The following CADM2 variants were observed in gnomAD, a reference collection of about 807,000 sequenced individuals.
CADM2 encodes cell adhesion molecule 2.
In CADM2, 12 loss-of-function variants were observed where a neutral mutation model predicts 49.8. That is an observed-to-expected ratio of 0.24 (90% confidence interval 0.15 to 0.39). CADM2 has a LOEUF of 0.39. Among genes scored for constraint, CADM2 ranks in the 10% least tolerant of loss-of-function variants. The pLI, the probability that CADM2 is intolerant of heterozygous loss-of-function variation, is 1.00. For missense variants in CADM2, 378 were observed against 492.3 expected, an observed-to-expected ratio of 0.77 and a Z score of 2.20; for synonymous variants, 214 against 175.4, an observed-to-expected ratio of 1.22 and a Z score of -1.74.
At chr3:85,046,326 T>G (rs1029905544) in intron 1 of CADM2, among the ~76,000 whole-genome samples, 1 of 150,800 alleles carries the variant, frequency 6.6e-6, no homozygotes, top group Non-Finnish European at 1.5e-5. Context: ...TTTTCTTTTT[T>G]TTTTTTTTTT....
At chr3:85,364,990 T>A (rs1239683146) in intron 1 of CADM2, among the ~76,000 whole-genome samples, 3 of 152,202 alleles carry the variant, frequency 2.0e-5, no homozygotes, top group African/African-American at 4.8e-5. Flanking sequence ...CACATCCTAA[T>A]GCAAACATGG....
rs570512230 is a variant in CADM2 at position 85,705,700 on chromosome 3, A to G, written c.62-20822A>G. Among the ~76,000 whole-genome samples, 135 of 152,316 alleles carry G rather than the reference A, an allele frequency of 8.9e-4. No individual in the cohort carries two copies. The Middle Eastern group carries it at 0.014, about 15-fold the overall frequency. On this transcript the variant is annotated intron_variant, in intron 1 of 9. Transcript: ENST00000383699. ...GACATTTAACTAGAATTTGTTCTACATAACCTTCTGCCATTTTTGAGTTTA... is the reference window on the plus strand; with the variant it reads ...GACATTTAACTAGAATTTGTTCTACGTAACCTTCTGCCATTTTTGAGTTTA...
chr3:85,753,026 C>T (rs1191040330), intron 2 of CADM2, among the ~76,000 whole-genome samples: 1 of 152,032 alleles, frequency 6.6e-6, no homozygotes. Context: ...ATATTTTTGT[C>T]ATGCAGCTGC....
At chr3:85,495,902 T>G (rs1353798893) in intron 1 of CADM2, among the ~76,000 whole-genome samples, 2 of 152,136 alleles carry the variant, frequency 1.3e-5, no homozygotes, top group Non-Finnish European at 2.9e-5. Context: ...CGTTAGGAAT[T>G]ACATTTCCAC....
intron 1 of CADM2, among the ~76,000 whole-genome samples, chr3:85,212,812 C>CTCTTTCTTTCTTTCCTTCTTTCTT (rs1559723534): frequency 9.8e-6 from 1 of 102,542 alleles, no homozygotes; most frequent in Non-Finnish European, 2.0e-5. Context: ...TCTTTTTCTT[C>CTCTTTCTTTCTTTCCTTCTTTCTT]TCTTTCTTTC....
At chr3:85,465,069 A>C (rs1213935444) in intron 1 of CADM2, among the ~76,000 whole-genome samples, 1 of 152,190 alleles carries the variant, frequency 6.6e-6, no homozygotes, top group East Asian at 1.9e-4. Context: ...GAATTGCTGG[A>C]ACCCAGGAGG....
chr3:85,878,756 A>G (rs375129974), intron 3 of CADM2, among the ~76,000 whole-genome samples: 14 of 152,124 alleles, frequency 9.2e-5, no homozygotes, highest in East Asian at 3.8e-4. Flanking sequence ...GTAGTGAGCA[A>G]TTCAGTTTAA....
intron 1 of CADM2, among the ~76,000 whole-genome samples, chr3:85,522,256 C>T (rs1404972834): frequency 6.6e-6 from 1 of 152,062 alleles, no homozygotes; most frequent in Non-Finnish European, 1.5e-5. Context: ...ATTAATAATA[C>T]ATTAATGATT....
intron 1 of CADM2, among the ~76,000 whole-genome samples, chr3:85,703,095 A>C (rs977181193): frequency 1.4e-4 from 21 of 152,184 alleles, no homozygotes; most frequent in African/African-American, 5.1e-4. Context: ...TATATAAATT[A>C]TATGTATGTT....
At chr3:85,533,882 G>T in intron 1 of CADM2, among the ~76,000 whole-genome samples, 1 of 152,030 alleles carries the variant, frequency 6.6e-6, no homozygotes, top group East Asian at 1.9e-4. Context: ...TTAAATTCTA[G>T]GGAAAGAGCA....
At chr3:85,388,291 A>G (rs972745342) in intron 1 of CADM2, among the ~76,000 whole-genome samples, 3 of 152,162 alleles carry the variant, frequency 2.0e-5, no homozygotes, top group African/African-American at 7.2e-5. Flanking sequence ...GAAAGAAGAA[A>G]AGAAATCATA....
intron 1 of CADM2, among the ~76,000 whole-genome samples, chr3:85,697,802 T>A (rs2066617691): frequency 6.6e-6 from 1 of 152,230 alleles, no homozygotes; most frequent in Non-Finnish European, 1.5e-5. Flanking sequence ...TTTATGTACA[T>A]GTATATTATT....
chr3:85,705,664 C>G (rs2066921058), intron 1 of CADM2, among the ~76,000 whole-genome samples: 1 of 152,200 alleles, frequency 6.6e-6, no homozygotes, highest in African/African-American at 2.4e-5. Context: ...TTCCTGAACT[C>G]CACATGCTGG....
At chr3:85,829,414 T>G (rs2074079460) in intron 3 of CADM2, among the ~76,000 whole-genome samples, 1 of 151,940 alleles carries the variant, frequency 6.6e-6, no homozygotes, top group Non-Finnish European at 1.5e-5. Context: ...ACCTCAAACA[T>G]TTATCATTTC....
intron 1 of CADM2, among the ~76,000 whole-genome samples, chr3:85,291,817 C>G (rs1464116620): frequency 6.8e-6 from 1 of 147,680 alleles, no homozygotes; most frequent in African/African-American, 2.7e-5. Flanking sequence ...AAAACTGGTA[C>G]CAGCCGCTGC....
At chr3:85,483,383 T>C (rs72909215) in intron 1 of CADM2, among the ~76,000 whole-genome samples, 2 of 151,382 alleles carry the variant, frequency 1.3e-5, no homozygotes, top group Middle Eastern at 3.8e-3. Context: ...TTTGCATATG[T>C]TTGTGTATAT....
intron 8 of CADM2, among the ~76,000 whole-genome samples, chr3:86,059,807 A>C (rs1230299948): frequency 1.3e-5 from 2 of 152,170 alleles, no homozygotes; most frequent in African/African-American, 4.8e-5. Flanking sequence ...ACTTATCCTC[A>C]ATCCCAAACA....
intron 1 of CADM2, among the ~76,000 whole-genome samples, chr3:85,212,886 C>CTTTCTTTCTT (rs775133101): frequency 2.6e-5 from 2 of 77,896 alleles, no homozygotes; most frequent in African/African-American, 8.5e-5. Flanking sequence ...TTCTTTCTTT[C>CTTTCTTTCTT]TCTTTCTTTC....
chr3:85,930,125 C>T (rs149046951), intron 6 of CADM2, among the ~76,000 whole-genome samples: 8 of 152,084 alleles, frequency 5.3e-5, no homozygotes, highest in Non-Finnish European at 1.2e-4. Context: ...AAATAAATGT[C>T]TTCACAATTG....
Sources: gnomAD v4.1 joint callset for allele counts (sites outside exome capture counted in the v4.1 genomes callset) on GRCh38, gnomAD v4.1.1 for gene constraint, MANE v1.5 for transcripts, NCBI Gene and HGNC (gene_info 2026-07-23, HGNC 2026-07-21) for gene names.